LCORL: variants seen among roughly 807,000 people sequenced by gnomAD.
LCORL encodes ligand dependent nuclear receptor corepressor like.
A neutral mutation model predicts 141.8 loss-of-function variants in LCORL; 41 were observed. The observed-to-expected ratio is 0.29, with a 90% CI of 0.23 to 0.38. LCORL has a LOEUF of 0.38. Among genes scored for constraint, LCORL ranks in the 10% least tolerant of loss-of-function variants. LCORL has a pLI of 1.00. For synonymous variants in LCORL, 618 were observed against 694.1 expected (o/e 0.89, Z 1.72); for missense variants, 1,759 against 2,035.0 (o/e 0.86, Z 2.61).
In LCORL at chr4:17,868,566, A is replaced by G. The variant is rs1477012617; in HGVS notation, c.5602+4822T>C. 3.3e-5 allele frequency among the ~76,000 whole-genome samples: 5 copies of G among 152,244 alleles called. No homozygotes were observed. In the East Asian group the frequency reaches 9.7e-4, roughly 29 times the overall value. ...AGATACTGACATTAAAAAGGTCTATATTATTTCCAACAGTCGCACTCCATT... is the reference window on the plus strand; with the variant it reads ...AGATACTGACATTAAAAAGGTCTATGTTATTTCCAACAGTCGCACTCCATT... On this transcript the variant is annotated intron_variant, in intron 7 of 7. Transcript: ENST00000635767.
At chr4:18,005,805 G>A (rs916200997) in intron 1 of LCORL, among the ~76,000 whole-genome samples, 1 of 152,142 alleles carries the variant, frequency 6.6e-6, no homozygotes, top group Non-Finnish European at 1.5e-5. Context: ...AGAGCACAGA[G>A]ACCATGCATC....
chr4:17,880,041 A>C (rs1320796185), intron 6 of LCORL, among the ~76,000 whole-genome samples: 1 of 151,080 alleles, frequency 6.6e-6, no homozygotes, highest in Non-Finnish European at 1.5e-5. Flanking sequence ...CTTTTCTGAC[A>C]TTCTAAGCAA....
chr4:17,912,366 A>G (rs972373423), intron 4 of LCORL: 1 of 659,334 alleles, frequency 1.5e-6, no homozygotes, highest in Admixed American at 1.8e-5. Flanking sequence ...TAAAAGGCCT[A>G]CAAGCCCAGA....
At chr4:17,938,284 G>T (rs911636397) in intron 4 of LCORL, among the ~76,000 whole-genome samples, 2 of 152,070 alleles carry the variant, frequency 1.3e-5, no homozygotes, top group African/African-American at 4.8e-5. Context: ...TGGGATTACA[G>T]GCATGAGCCA....
chr4:17,896,712 T>A (rs1203053133), intron 5 of LCORL, among the ~76,000 whole-genome samples: 1 of 152,196 alleles, frequency 6.6e-6, no homozygotes, highest in East Asian at 1.9e-4. Flanking sequence ...CAAGCATTTA[T>A]CCTTTGTGTT....
intron 1 of LCORL, among the ~76,000 whole-genome samples, chr4:18,018,095 T>C (rs1334408357): frequency 6.6e-6 from 1 of 152,162 alleles, no homozygotes; most frequent in Non-Finnish European, 1.5e-5. Flanking sequence ...TTTTAAATAT[T>C]GGCCAGTCTC....
intron 1 of LCORL, among the ~76,000 whole-genome samples, chr4:18,002,745 A>G (rs1722172066): frequency 6.6e-6 from 1 of 152,190 alleles, no homozygotes; most frequent in South Asian, 2.1e-4. Flanking sequence ...CTATTTTTGT[A>G]CATATTTAAA....
Position 17,847,911 on chromosome 4 carries a change from G to C in LCORL, c.5603-2010C>G, listed in dbSNP as rs1190935803. ...CAAGATAGCTTGGTAGGCAAGTATA[G>C]TAAGTATTAAACTCCAAAAAATAAA... On this transcript the variant is annotated intron_variant, in intron 7 of 7. Transcript: ENST00000635767. Among the ~76,000 whole-genome samples, 3 of 152,276 alleles carry C rather than the reference G, an allele frequency of 2.0e-5. No homozygotes were observed. The South Asian group carries it at 6.2e-4, about 32-fold the overall frequency.
At chr4:17,924,487 G>C (rs1195905540) in intron 4 of LCORL, among the ~76,000 whole-genome samples, 1 of 152,154 alleles carries the variant, frequency 6.6e-6, no homozygotes, top group Non-Finnish European at 1.5e-5. Context: ...ATTCCTCGGG[G>C]TGATCAGCCA....
intron 1 of LCORL, among the ~76,000 whole-genome samples, chr4:18,006,611 T>C (rs963946687): frequency 6.6e-6 from 1 of 152,010 alleles, no homozygotes; most frequent in Non-Finnish European, 1.5e-5. Flanking sequence ...TAGTGGAAAG[T>C]GAAAGGCACA....
intron 4 of LCORL, among the ~76,000 whole-genome samples, chr4:17,952,182 A>C (rs564997427): frequency 3.9e-5 from 6 of 152,276 alleles, no homozygotes. Context: ...TGACTGCCAT[A>C]TTAGAGACAG....
At chr4:17,877,691 A>G in exon 7 of LCORL, 1 of 1,230,526 alleles carries the variant, frequency 8.1e-7, no homozygotes, top group Non-Finnish European at 1.0e-6. Context: ...TTCGAGATCT[A>G]CAGGCATCTT....
exon 7 of LCORL, chr4:17,877,239 A>C (rs1212555737): frequency 1.6e-5 from 20 of 1,230,346 alleles, no homozygotes; most frequent in Non-Finnish European, 1.9e-5. Context: ...TAATTCCATA[A>C]AACTATAATC....
intron 1 of LCORL, among the ~76,000 whole-genome samples, chr4:18,010,646 CT>C (rs1723596951): frequency 6.6e-6 from 1 of 151,636 alleles, no homozygotes; most frequent in South Asian, 2.1e-4. Context: ...GACAGGGTTT[CT>C]GTACATGTTG....
chr4:17,925,295 G>T (rs1734942770), intron 4 of LCORL, among the ~76,000 whole-genome samples: 1 of 152,122 alleles, frequency 6.6e-6, no homozygotes. Context: ...GGAATACAGG[G>T]GATCCCTTAA....
At chr4:17,842,139 C>T (rs2109073048) in exon 8 of LCORL, 1 of 547,192 alleles carries the variant, frequency 1.8e-6, no homozygotes, top group Non-Finnish European at 3.3e-6. Context: ...GCTTGGGTTC[C>T]TTTTTCTGTG....
At chr4:17,843,178 C>T (rs1366312550) in exon 8 of LCORL, 5 of 1,041,334 alleles carry the variant, frequency 4.8e-6, no homozygotes, top group Non-Finnish European at 6.9e-6. Flanking sequence ...TAAGCTAAGT[C>T]AATGGAATCA....
At chr4:17,843,055 T>C (rs1219193508) in exon 8 of LCORL, 2 of 266,536 alleles carry the variant, frequency 7.5e-6, no homozygotes, top group Admixed American at 9.7e-5. Context: ...TGGCTTTTTT[T>C]CCTGTATAAC....
At chr4:17,909,409 T>C in intron 4 of LCORL, 64 bp from the exon 5 acceptor site, 1 of 1,179,946 alleles carries the variant, frequency 8.5e-7, no homozygotes. Context: ...AACATTTAAA[T>C]TTATTTTTAT....
Sources: allele counts gnomAD v4.1 joint callset (sites outside exome capture counted in the v4.1 genomes callset), GRCh38; gene constraint gnomAD v4.1.1; transcripts MANE v1.5; gene names NCBI Gene and HGNC (gene_info 2026-07-23, HGNC 2026-07-21).